Variants in TMTC2 observed in about 807,000 individuals in gnomAD.
TMTC2 encodes the protein protein O-mannosyl-transferase TMTC2.
In TMTC2, 43 loss-of-function variants were observed where a neutral mutation model predicts 82.4. The observed-to-expected ratio is 0.52, with a 90% CI of 0.41 to 0.67. TMTC2 has a LOEUF of 0.67. TMTC2 is among the 30% of genes least tolerant of loss of function. TMTC2 has a pLI of 0.00. For synonymous variants in TMTC2, 408 were observed against 381.9 expected (o/e 1.07, Z -0.80); for missense variants, 919 against 1,012.4 (o/e 0.91, Z 1.25).
intron 11 of TMTC2, among the ~76,000 whole-genome samples, chr12:83,116,284 T>TTGTG (rs199906624): frequency 5.3e-5 from 8 of 151,806 alleles, no homozygotes; most frequent in African/African-American, 1.7e-4. Flanking sequence ...TAGTATTCCA[T>TTGTG]TGTGTGTGTG....
At chr12:82,823,486 T>C (rs1317811777) in intron 1 of TMTC2, among the ~76,000 whole-genome samples, 1 of 152,248 alleles carries the variant, frequency 6.6e-6, no homozygotes, top group Non-Finnish European at 1.5e-5. Context: ...CTTTTGCCCA[T>C]TTCCTGATTT....
At chr12:82,916,150 A>G (rs1195935229) in intron 3 of TMTC2, among the ~76,000 whole-genome samples, 4 of 152,234 alleles carry the variant, frequency 2.6e-5, no homozygotes, top group African/African-American at 9.6e-5. Flanking sequence ...GAATTGGTAT[A>G]GTTGTTACAT....
At chr12:82,918,923 A>G (rs1425127213) in intron 3 of TMTC2, among the ~76,000 whole-genome samples, 1 of 151,966 alleles carries the variant, frequency 6.6e-6, no homozygotes. Flanking sequence ...ACGCCTGGCT[A>G]ATTTTTGTAT....
chr12:82,810,312 T>A (rs1048495908), intron 1 of TMTC2, among the ~76,000 whole-genome samples: 3 of 151,752 alleles, frequency 2.0e-5, no homozygotes, highest in South Asian at 2.1e-4. Context: ...TTTAATTTGC[T>A]TTTCATGTAA....
chr12:82,722,879 T>G (rs1029093031), intron 1 of TMTC2, among the ~76,000 whole-genome samples: 20 of 152,338 alleles, frequency 1.3e-4, no homozygotes, highest in African/African-American at 4.6e-4. Context: ...ATTCTGGGTC[T>G]TTCCCCTTGA....
chr12:82,935,643 G>A (rs536426298), intron 4 of TMTC2, among the ~76,000 whole-genome samples: 1 of 152,150 alleles, frequency 6.6e-6, no homozygotes, highest in African/African-American at 2.4e-5. Flanking sequence ...ATTTGTTTCG[G>A]TCTGTTCCAA....
chr12:83,109,926 G>A (rs1884542932), intron 11 of TMTC2, among the ~76,000 whole-genome samples: 1 of 152,048 alleles, frequency 6.6e-6, no homozygotes, highest in African/African-American at 2.4e-5. Context: ...GTAACCTCAA[G>A]TGAGTCCTCA....
At chr12:82,801,614 C>T (rs1879006431) in intron 1 of TMTC2, among the ~76,000 whole-genome samples, 1 of 152,138 alleles carries the variant, frequency 6.6e-6, no homozygotes, top group African/African-American at 2.4e-5. Context: ...CATAAAGGTT[C>T]TCCAAGTCCC....
intron 11 of TMTC2, among the ~76,000 whole-genome samples, chr12:83,095,529 C>G (rs960183697): frequency 9.2e-5 from 14 of 152,066 alleles, no homozygotes; most frequent in African/African-American, 3.4e-4. Context: ...CATGAGCCAT[C>G]GCAAAATTTT....
Position 82,992,679 on chromosome 12 carries a change from G to T in TMTC2, c.2070+6633G>T, listed in dbSNP as rs183006412. Among the ~76,000 whole-genome samples, 721 of 152,214 alleles carry T rather than the reference G, an allele frequency of 4.7e-3. 3 individuals are homozygous for T. The highest frequency in any genetic ancestry group is 7.7e-3 in the Non-Finnish European group (522 of 68,012). On this transcript the variant is annotated intron_variant, in intron 8 of 11. Coordinates refer to ENST00000321196, the MANE Select transcript of TMTC2 (RefSeq NM_152588.3). ...ACTCTGAAGCATAATGAATCTGATA[G>T]TTCATTTTTAAGGATCTCCCTTCCA... is the stretch of plus-strand genomic sequence containing the variant.
At chr12:82,978,441 A>G (rs1878774618) in intron 7 of TMTC2, among the ~76,000 whole-genome samples, 1 of 151,752 alleles carries the variant, frequency 6.6e-6, no homozygotes, top group South Asian at 2.1e-4. Context: ...AAACCAATCC[A>G]TCTAAAATAC....
intron 1 of TMTC2, among the ~76,000 whole-genome samples, chr12:82,815,801 A>G (rs761689737): frequency 1.3e-5 from 2 of 152,098 alleles, no homozygotes; most frequent in African/African-American, 4.8e-5. Context: ...AATCAATCTG[A>G]AAGATAACAC....
At chr12:82,866,252 AAAAAAAAAAAAC>A (rs1375479787) in intron 2 of TMTC2, among the ~76,000 whole-genome samples, 1 of 150,830 alleles carries the variant, frequency 6.6e-6, no homozygotes, top group Admixed American at 6.6e-5. Context: ...ATCAAAAAAA[AAAAAAAAAAAAC>A]AAAAAACTTT....
chr12:83,095,244 T>G (rs1473762795), intron 11 of TMTC2, among the ~76,000 whole-genome samples: 1 of 150,936 alleles, frequency 6.6e-6, no homozygotes. Flanking sequence ...TTTTTTTTGT[T>G]TTTTTTGTTT....
chr12:82,797,320 CATTA>C (rs1471668439), intron 1 of TMTC2, among the ~76,000 whole-genome samples: 5 of 152,142 alleles, frequency 3.3e-5, no homozygotes, highest in Non-Finnish European at 5.9e-5. Context: ...GCTGTCTTCA[CATTA>C]ATTGTTTTAT....
rs190915448 is a variant in TMTC2 at position 82,940,940 on chromosome 12, G to A, written c.1598+10395G>A. ...TATAAAGGAACATAGTATCACAAAT[G>A]TTAACATGACCCAGATTATAAAGAG... is the stretch of plus-strand genomic sequence containing the variant. On this transcript the variant is annotated intron_variant, in intron 4 of 11. Transcript: ENST00000321196. 5.4e-3 allele frequency among the ~76,000 whole-genome samples: 814 copies of A among 151,922 alleles called. 8 individuals carry two copies. The highest frequency in any genetic ancestry group is 0.019 in the African/African-American group (791 of 41,428).
At position 82,757,417 on chromosome 12, in the gene TMTC2, T is replaced by G. The variant is rs180674191; in HGVS notation, c.83+69748T>G. Among the ~76,000 whole-genome samples, 274 of 152,346 alleles carry G rather than the reference T, an allele frequency of 1.8e-3. 1 individual carries two copies. Among genetic ancestry groups the G allele is most frequent in the African/African-American group, 6.3e-3 (262 of 41,580 alleles). Reference sequence around the variant, plus strand: ...GCTTACAAAGAGTTTTTCATATAATTTATCTTGTTTATCTTTATAGCAACA... The same window carrying G: ...GCTTACAAAGAGTTTTTCATATAATGTATCTTGTTTATCTTTATAGCAACA... On this transcript the variant is annotated intron_variant, in intron 1 of 11. Coordinates refer to ENST00000321196, the MANE Select transcript of TMTC2 (RefSeq NM_152588.3).
chr12:83,132,206 G>A lies in TMTC2; in HGVS notation c.2332-4G>A, dbSNP rs1885277533. 2 of 1,586,106 alleles carry A rather than the reference G, an allele frequency of 1.3e-6. No homozygotes were observed. The highest frequency in any genetic ancestry group is 1.7e-4 in the Middle Eastern group (1 of 5,990). On this transcript the variant is annotated splice_polypyrimidine_tract_variant and splice_region_variant and intron_variant, in intron 11 of 11. Coordinates refer to ENST00000321196, the MANE Select transcript of TMTC2 (RefSeq NM_152588.3). Reference sequence around the variant, plus strand: ...AATTGTTTTCCTTCTTTCTCTTGTTGCAGTATCCGGCTGCTTTGATGAACC... The same window carrying A: ...AATTGTTTTCCTTCTTTCTCTTGTTACAGTATCCGGCTGCTTTGATGAACC...
chr12:82,901,592 A>G (rs1874024466), intron 3 of TMTC2, among the ~76,000 whole-genome samples: 1 of 151,868 alleles, frequency 6.6e-6, no homozygotes, highest in Non-Finnish European at 1.5e-5. Context: ...CTTATCTGTA[A>G]TATTAGTAAA....
Sources: allele counts gnomAD v4.1 joint callset (sites outside exome capture counted in the v4.1 genomes callset), GRCh38; gene constraint gnomAD v4.1.1; transcripts MANE v1.5; gene names NCBI Gene and HGNC (gene_info 2026-07-23, HGNC 2026-07-21).